ANXA9: variants seen among roughly 807,000 people sequenced by gnomAD.
The protein encoded by ANXA9 is annexin A9, also known as annexin 31.
In ANXA9, 47 loss-of-function variants were observed where a neutral mutation model predicts 51.8. That is an observed-to-expected ratio of 0.91 (90% CI 0.72 to 1.16). The LOEUF is 1.16. Ranked by LOEUF, ANXA9 falls within the 50% of genes most tolerant of loss-of-function variation. ANXA9 has a pLI of 0.00. For missense variants in ANXA9, 361 were observed against 424.7 expected (o/e 0.85, Z 1.32); for synonymous variants, 154 against 168.7 (o/e 0.91, Z 0.68).
rs752104682 is a variant in ANXA9, at chr1:150,984,643, C to A, written c.439C>A (p.Gln147Lys). 2 of 1,614,140 alleles carry A rather than the reference C, an allele frequency of 1.2e-6. No individual in the cohort carries two copies. The highest frequency in any genetic ancestry group is 1.7e-6 in the Non-Finnish European group (2 of 1,180,020). ...IEILATRTPPQLQECLAVYKH... is the reference protein window; with the variant it reads ...IEILATRTPPKLQECLAVYKH... ...AATTCTTGCCACTCGAACCCCACCC[C>A]AGCTGCAGGAGTGCCTGGCAGTCTA... The change falls in exon 7 of 14, where the codon CAG becomes AAG. Residue 147 changes from glutamine to lysine, a missense_variant. Physicochemically the swap from Gln to Lys is moderately conservative, Grantham distance 53. Coordinates refer to ENST00000368947, the MANE Select transcript of ANXA9 (RefSeq NM_003568.3).
Position 150,986,763 on chromosome 1 carries a change from A to G in ANXA9, c.612+102A>G, listed in dbSNP as rs965761464. 3 of 1,183,336 alleles carry G rather than the reference A, an allele frequency of 2.5e-6. No individual in the cohort carries two copies. In the African/African-American group the frequency reaches 4.6e-5, roughly 18 times the overall value. The allele number at this position is 1,183,336 out of a possible 1,614,324, so 73.3% of individuals were successfully genotyped here. A position where few individuals can be genotyped will look rare whatever the true frequency, so the allele number is the denominator to read the frequency against. On this transcript the variant is annotated intron_variant, in intron 9 of 13. Transcript: ENST00000368947. ...GACCTACGTGCCCATTTTTCCCGCAAACCCATCCCTGCCTTGGAGAGGGAG... is the reference window on the plus strand; with the variant it reads ...GACCTACGTGCCCATTTTTCCCGCAGACCCATCCCTGCCTTGGAGAGGGAG...
upstream of ANXA9, among the ~76,000 whole-genome samples, chr1:150,978,578 A>G (rs1671371582): frequency 6.6e-6 from 1 of 152,146 alleles, no homozygotes; most frequent in South Asian, 2.1e-4. Flanking sequence ...AGGGATGAAG[A>G]AAACACTGAG....
chr1:150,983,859 A>G, intron 4 of ANXA9, 116 bp from the exon 5 acceptor site: 1 of 940,648 alleles, frequency 1.1e-6, no homozygotes, highest in Non-Finnish European at 1.6e-6. Context: ...GGGGTGATAT[A>G]GCCCCTGCTC....
upstream of ANXA9, among the ~76,000 whole-genome samples, chr1:150,980,886 CTTATTTATTTAT>C (rs112890455): frequency 4.0e-5 from 6 of 149,996 alleles, no homozygotes; most frequent in African/African-American, 9.9e-5. Flanking sequence ...GCCACATTAC[CTTATTTATTTAT>C]TTATTTATTT....
chr1:150,978,825 A>C (rs1442532119), upstream of ANXA9, among the ~76,000 whole-genome samples: 1 of 151,806 alleles, frequency 6.6e-6, no homozygotes, highest in Admixed American at 6.6e-5. Flanking sequence ...TTAGCTGGGC[A>C]TGGTGGTGCA....
chr1:150,983,111 T>C lies in ANXA9; in HGVS notation c.6T>C (p.Ser2=), dbSNP rs1426449583. The C allele has an allele frequency of 6.2e-7, 1 of 1,613,986 alleles. No homozygotes were observed. Among genetic ancestry groups the C allele is most frequent in the Non-Finnish European group, 8.5e-7 (1 of 1,179,926 alleles). M[S]VTGGKMAPSL... is the part of the protein sequence containing the mutation. ...CCAGGGCAACCAGTAGCACCATGTC[T>C]GTGACTGGCGGGAAGATGGCACCGT... Residue 2 remains serine (S), a synonymous_variant, in exon 3 of 14, where the codon TCT becomes TCC. Transcript: ENST00000368947.
At chr1:150,980,355 C>T (rs1671392971), upstream of ANXA9, among the ~76,000 whole-genome samples, 1 of 151,030 alleles carries the variant, frequency 6.6e-6, no homozygotes, top group South Asian at 2.1e-4. Flanking sequence ...AACATAATGC[C>T]ACTGCACTCC....
At chr1:150,986,514 G>T in intron 8 of ANXA9, 88 bp from the exon 9 acceptor site, 1 of 1,576,772 alleles carries the variant, frequency 6.3e-7, no homozygotes, top group Admixed American at 1.7e-5. Flanking sequence ...ACAAGAGAGG[G>T]CTTTAGGGGA....
intron 4 of ANXA9, 62 bp from the exon 5 acceptor site, chr1:150,983,913 G>C: frequency 6.6e-7 from 1 of 1,515,648 alleles, no homozygotes; most frequent in Non-Finnish European, 9.0e-7. Context: ...CCTCCTCCAA[G>C]GAGTAGGAAC....
rs890039477 is a variant in ANXA9, at chr1:150,986,750, C to T, written c.612+89C>T. 5.2e-6 allele frequency: 7 copies of T among 1,352,488 alleles called. No homozygotes were observed. In the African/African-American group the frequency reaches 1.0e-4, roughly 20 times the overall value. The allele number at this position is 1,352,488 out of a possible 1,614,324, so 83.8% of individuals were successfully genotyped here. A position where few individuals can be genotyped will look rare whatever the true frequency, so the allele number is the denominator to read the frequency against. ...TCTTAGAGCCGGTGACCTACGTGCC[C>T]ATTTTTCCCGCAAACCCATCCCTGC... On this transcript the variant is annotated intron_variant, in intron 9 of 13. Coordinates refer to ENST00000368947, the MANE Select transcript of ANXA9 (RefSeq NM_003568.3).
At chr1:150,994,137 G>A (rs1178733123) in intron 12 of ANXA9, among the ~76,000 whole-genome samples, 2 of 152,172 alleles carry the variant, frequency 1.3e-5, no homozygotes, top group African/African-American at 4.8e-5. Context: ...AGCCTCATCA[G>A]CTCAGTTTAG....
intron 12 of ANXA9, among the ~76,000 whole-genome samples, chr1:150,989,522 C>T (rs776996960): frequency 2.6e-5 from 4 of 152,022 alleles, no homozygotes; most frequent in South Asian, 2.1e-4. Flanking sequence ...GAAACCCTGT[C>T]TCTACTAAAA....
At chr1:150,978,268 T>C (rs954275951), upstream of ANXA9, among the ~76,000 whole-genome samples, 6 of 151,738 alleles carry the variant, frequency 4.0e-5, no homozygotes, top group Admixed American at 3.3e-4. Context: ...CTGTCTCTAC[T>C]AAAAATACAA....
At chr1:150,984,092 C>T (rs750444420) in intron 5 of ANXA9, 23 bp downstream of exon 5, 19 of 1,602,498 alleles carry the variant, frequency 1.2e-5, no homozygotes, top group Non-Finnish European at 1.5e-5. Flanking sequence ...TGACCTCCCA[C>T]AGCAGTGGAC....
Position 150,995,296 on chromosome 1 carries a change from G to A in ANXA9, c.1012G>A (p.Ala338Thr). 1.2e-6 allele frequency: 2 copies of A among 1,610,458 alleles called. No homozygotes were observed. Residue 338 changes from alanine (A) to threonine (T), a missense_variant, in exon 14 of 14, where the codon GCC (alanine) becomes ACC (threonine). Ala to Thr is a moderately conservative substitution (Grantham distance 58, BLOSUM62 0). Coordinates refer to ENST00000368947, the MANE Select transcript of ANXA9 (RefSeq NM_003568.3). Reference protein sequence around the residue: ...VKGDCQSALLALCRAEDM With the variant: ...VKGDCQSALLTLCRAEDM ...AGGGGATTGCCAGTCAGCCCTCCTG[G>A]CCTTGTGCAGGGCTGAAGACATGTG...
At position 150,988,152 on chromosome 1, in the gene ANXA9, C is replaced by T. The variant is rs746195112; in HGVS notation, c.759C>T (p.Phe253=). The change falls in exon 11 of 14, where the codon TTC becomes TTT. Residue 253 remains phenylalanine (F), a synonymous_variant. Coordinates refer to ENST00000368947, the MANE Select transcript of ANXA9 (RefSeq NM_003568.3). Reference sequence around the variant, plus strand: ...TGGAGGAGGCTGTCCAGAACCGTTTCCATGGAGATGCTCAGGTGGCTCTGC... The same window carrying T: ...TGGAGGAGGCTGTCCAGAACCGTTTTCATGGAGATGCTCAGGTGGCTCTGC... ...QELEEAVQNR[F]HGDAQVALLG... The T allele has an allele frequency of 2.5e-6, 4 of 1,614,086 alleles. No individual in the cohort carries two copies. The East Asian group carries it at 8.9e-5, about 36-fold the overall frequency.
At chr1:150,986,740 C>A in intron 9 of ANXA9, 79 bp downstream of exon 9, 1 of 1,409,406 alleles carries the variant, frequency 7.1e-7, no homozygotes, top group Non-Finnish European at 9.6e-7. Context: ...GAGCCGGTGA[C>A]CTACGTGCCC....
At chr1:150,981,942 G>A (rs770983285), upstream of ANXA9, 10 of 152,242 alleles carry the variant, frequency 6.6e-5, no homozygotes, top group Non-Finnish European at 1.3e-4. Context: ...CAGGGAGCTG[G>A]AGCCAGAGGC....
chr1:150,993,633 C>CTTTT (rs35186445), intron 12 of ANXA9, among the ~76,000 whole-genome samples: 14 of 104,164 alleles, frequency 1.3e-4, no homozygotes, highest in Non-Finnish European at 1.7e-4. Flanking sequence ...TTCTTTCTTT[C>CTTTT]TTTTTTTTTT....
Sources: gnomAD v4.1 joint callset for allele counts (sites outside exome capture counted in the v4.1 genomes callset) on GRCh38, gnomAD v4.1.1 for gene constraint, MANE v1.5 for transcripts, NCBI Gene and HGNC (gene_info 2026-07-23, HGNC 2026-07-21) for gene names.